FBRSL1: variants seen among roughly 807,000 people sequenced by gnomAD.
FBRSL1 encodes fibrosin-1-like protein.
A neutral mutation model predicts 89.6 loss-of-function variants in FBRSL1; 51 were observed. The ratio of observed to expected loss-of-function variants is 0.57; its 90% CI spans 0.45 to 0.72. The LOEUF (loss-of-function observed/expected upper bound fraction) is 0.72. Ranked by LOEUF, FBRSL1 falls within the 30% of genes least tolerant of loss-of-function variation. The probability of loss-of-function intolerance (pLI) is 0.00; values close to 1 mark genes in which losing one functional copy is unlikely to be tolerated. For synonymous variants in FBRSL1, 779 were observed against 681.1 expected (o/e 1.14, Z -2.24); for missense variants, 1,618 against 1,451.8 (o/e 1.11, Z -1.86).
chr12:132,570,115 C>G lies in FBRSL1; in HGVS notation c.881C>G (p.Pro294Arg), dbSNP rs3751315. Residue 294 changes from proline to arginine, a missense_variant, in exon 7 of 19, where the codon CCG becomes CGG. Pro to Arg is a moderately radical substitution (Grantham distance 103). Transcript: ENST00000680143. ...NPLVKKEPPA[P>R]HRHTPQPPPP... ...TTGGTGAAGAAGGAACCCCCCGCCC[C>G]GCACCGCCACACCCCGCAGCCGCCA... The G allele has an allele frequency of 2.0e-6, 3 of 1,479,854 alleles. No individual in the cohort carries two copies. The South Asian group carries it at 3.8e-5, about 19-fold the overall frequency. 91.7% of individuals were successfully genotyped at this position (1,479,854 alleles called of 1,614,324 possible).
At chr12:132,541,991 G>A (rs1000643611) in intron 4 of FBRSL1, among the ~76,000 whole-genome samples, 7 of 152,242 alleles carry the variant, frequency 4.6e-5, no homozygotes, top group African/African-American at 1.2e-4. Flanking sequence ...TCTGCCCCAC[G>A]AGGGCCCAGC....
At chr12:132,510,476 T>G in intron 2 of FBRSL1, 1 of 1,231,992 alleles carries the variant, frequency 8.1e-7, no homozygotes, top group Non-Finnish European at 1.0e-6. Flanking sequence ...ATATGGGTTT[T>G]CCAGCCCACT....
chr12:132,511,899 T>C, intron 2 of FBRSL1: 1 of 981,784 alleles, frequency 1.0e-6, no homozygotes, highest in Non-Finnish European at 1.2e-6. Context: ...AGCGCAGGGC[T>C]TATTTTTCTG....
chr12:132,501,389 A>G (rs1199014707), intron 1 of FBRSL1, among the ~76,000 whole-genome samples: 3 of 152,156 alleles, frequency 2.0e-5, no homozygotes, highest in Admixed American at 2.0e-4. Context: ...TGGCTGAGGA[A>G]GAGGCTCTGT....
At chr12:132,508,462 G>A in intron 2 of FBRSL1, 112 bp downstream of exon 2, 1 of 1,209,602 alleles carries the variant, frequency 8.3e-7, no homozygotes, top group Non-Finnish European at 1.1e-6. Flanking sequence ...CTGCCTGGCA[G>A]CGCGCCCATC....
rs966553029 is a variant in FBRSL1, at chr12:132,567,346, C to T, written c.646-135C>T. On this transcript the variant is annotated intron_variant, in intron 5 of 18. Coordinates refer to ENST00000680143, the MANE Select transcript of FBRSL1 (RefSeq NM_001367871.1). ...GGACTAAGCGTGTTCACCTCGTACACGGGGGCATCCACAAGGGCACATCCC... is the reference window on the plus strand; with the variant it reads ...GGACTAAGCGTGTTCACCTCGTACATGGGGGCATCCACAAGGGCACATCCC... 13 of 777,258 alleles carry T rather than the reference C, an allele frequency of 1.7e-5. No homozygotes were observed. In the African/African-American group the frequency reaches 1.9e-4, roughly 11 times the overall value. The allele number at this position is 777,258 out of a possible 1,614,324, so 48.1% of individuals were successfully genotyped here.
rs1444178706 is a variant in FBRSL1 at position 132,556,543 on chromosome 12, GCAC to G, written c.645+8513_645+8515del. 1.8e-3 allele frequency among the ~76,000 whole-genome samples: 105 copies of G among 59,420 alleles called. 1 individual carries two copies. The highest frequency in any genetic ancestry group is 5.4e-3 in the African/African-American group (56 of 10,448). 39.0% of individuals were successfully genotyped at this position (59,420 alleles called of 152,430 possible). On this transcript the variant is annotated intron_variant, in intron 5 of 18. Transcript: ENST00000680143. ...ACGCTCCTCTCCAGGCCTTCGTGCT[GCAC>G]CCCCCTCCACCCACCCCTGTCCTGT...
chr12:132,494,537 A>G (rs1444559474), intron 1 of FBRSL1, among the ~76,000 whole-genome samples: 3 of 152,240 alleles, frequency 2.0e-5, no homozygotes, highest in African/African-American at 7.2e-5. Context: ...GACGCTGGCC[A>G]TGGTGCTCTG....
At position 132,502,901 on chromosome 12, in the gene FBRSL1, C is replaced by T. The variant is rs917185272; in HGVS notation, c.292-5252C>T. On this transcript the variant is annotated intron_variant, in intron 1 of 18. Coordinates refer to ENST00000680143, the MANE Select transcript of FBRSL1 (RefSeq NM_001367871.1). The stretch of plus-strand genomic sequence containing the variant: ...TCCCCGCCCTCTCCTGTCCACCTGC[C>T]GTGCCCCCTGCATTCACACCCGTCC... Among the ~76,000 whole-genome samples, 9 of 149,014 alleles carry T rather than the reference C, an allele frequency of 6.0e-5. No individual in the cohort carries two copies. In the East Asian group the frequency reaches 8.0e-4, roughly 13 times the overall value.
intron 4 of FBRSL1, among the ~76,000 whole-genome samples, chr12:132,531,928 G>C (rs1199472213): frequency 6.6e-6 from 1 of 152,244 alleles, no homozygotes; most frequent in East Asian, 1.9e-4. Context: ...TGTGCCCCAA[G>C]TGTGTGGTTT....
In FBRSL1 at chr12:132,572,253, G is replaced by A. The variant is rs1163458423; in HGVS notation, c.1378-35G>A. 5 of 1,545,362 alleles carry A rather than the reference G, an allele frequency of 3.2e-6. No homozygotes were observed. In the East Asian group the frequency reaches 7.3e-5, roughly 23 times the overall value. On this transcript the variant is annotated intron_variant, in intron 9 of 18. Transcript: ENST00000680143. Reference sequence around the variant, plus strand: ...CCGGGGCCCAGCAACGGTGTCGTGTGTGCGGGGCCTCACCCTCCTCTCCTT... The same window carrying A: ...CCGGGGCCCAGCAACGGTGTCGTGTATGCGGGGCCTCACCCTCCTCTCCTT...
intron 1 of FBRSL1, among the ~76,000 whole-genome samples, chr12:132,491,269 C>T (rs1053605243): frequency 7.2e-5 from 11 of 152,198 alleles, no homozygotes; most frequent in Admixed American, 5.9e-4. Context: ...CGGGCCATCC[C>T]GTTCCCTCCT....
intron 1 of FBRSL1, among the ~76,000 whole-genome samples, chr12:132,497,707 G>A (rs902416589): frequency 6.6e-6 from 1 of 152,116 alleles, no homozygotes; most frequent in African/African-American, 2.4e-5. Flanking sequence ...CTAGGGCGCC[G>A]CCTCACACCT....
intron 2 of FBRSL1, chr12:132,511,605 C>T (rs1458146999): frequency 7.1e-6 from 7 of 985,538 alleles, no homozygotes; most frequent in African/African-American, 1.7e-5. Flanking sequence ...CGTTGACCAC[C>T]TGGACCCCTG....
intron 1 of FBRSL1, among the ~76,000 whole-genome samples, chr12:132,505,087 C>G (rs2033517144): frequency 6.6e-6 from 1 of 152,160 alleles, no homozygotes; most frequent in Non-Finnish European, 1.5e-5. Context: ...GATTGTGCCA[C>G]TGCACTCCAG....
chr12:132,568,433 T>C (rs1005025136), intron 6 of FBRSL1, among the ~76,000 whole-genome samples: 1 of 151,968 alleles, frequency 6.6e-6, no homozygotes, highest in Non-Finnish European at 1.5e-5. Context: ...GCAGATGGGG[T>C]GGTGTCAGAA....
intron 4 of FBRSL1, among the ~76,000 whole-genome samples, chr12:132,545,475 G>C (rs867004759): frequency 1.4e-4 from 21 of 152,364 alleles, no homozygotes; most frequent in Middle Eastern, 6.8e-3. Context: ...TTTGGTTAAT[G>C]AGAGGATCCA....
intron 1 of FBRSL1, among the ~76,000 whole-genome samples, chr12:132,496,242 G>A (rs982774547): frequency 3.9e-5 from 6 of 152,180 alleles, no homozygotes; most frequent in Non-Finnish European, 5.9e-5. Context: ...CTAGGCTCTC[G>A]TGCCCCAGCT....
At chr12:132,551,369 G>A in intron 5 of FBRSL1, 1 of 452,856 alleles carries the variant, frequency 2.2e-6, no homozygotes, top group Non-Finnish European at 4.5e-6. Context: ...GCCACAGACA[G>A]CGTCCTGCGT....
Sources: allele counts gnomAD v4.1 joint callset (sites outside exome capture counted in the v4.1 genomes callset), GRCh38; gene constraint gnomAD v4.1.1; transcripts MANE v1.5; gene names NCBI Gene and HGNC (gene_info 2026-07-23, HGNC 2026-07-21).